The following SAMD8 variants were observed in gnomAD, a reference collection of about 807,000 sequenced individuals.
SAMD8 encodes the protein sterile alpha motif domain containing 8, also known as sphingomyelin synthase-related protein 1.
A neutral mutation model predicts 42.0 loss-of-function variants in SAMD8; 20 were observed. The observed-to-expected ratio is 0.48, with a 90% CI of 0.34 to 0.69. The LOEUF (loss-of-function observed/expected upper bound fraction) is 0.69. Ranked by LOEUF, SAMD8 falls within the 30% of genes least tolerant of loss-of-function variation. The pLI is 0.01. For synonymous variants in SAMD8, 162 were observed against 173.0 expected, an observed-to-expected ratio of 0.94 and a Z score of 0.50; for missense variants, 328 against 511.6, an observed-to-expected ratio of 0.64 and a Z score of 3.46.
At chr10:75,160,500 C>T (rs1449711007) in intron 2 of SAMD8, among the ~76,000 whole-genome samples, 1 of 152,034 alleles carries the variant, frequency 6.6e-6, no homozygotes, top group African/African-American at 2.4e-5. Flanking sequence ...GCCACCATGC[C>T]CAGCCAAGAA....
chr10:75,128,273 A>G (rs1036246713), intron 1 of SAMD8, among the ~76,000 whole-genome samples: 5 of 151,938 alleles, frequency 3.3e-5, no homozygotes, highest in Non-Finnish European at 7.4e-5. Context: ...GCATTTCACC[A>G]TGTTGGCTAG....
At chr10:75,141,654 G>T (rs1840019361) in intron 1 of SAMD8, among the ~76,000 whole-genome samples, 1 of 150,470 alleles carries the variant, frequency 6.6e-6, no homozygotes, top group Admixed American at 6.7e-5. Context: ...CCATTCTCCT[G>T]CCTCAGCCTC....
At chr10:75,122,717 G>T (rs1197051826) in intron 1 of SAMD8, among the ~76,000 whole-genome samples, 1 of 152,070 alleles carries the variant, frequency 6.6e-6, no homozygotes, top group African/African-American at 2.4e-5. Context: ...TTGAGCCGTG[G>T]AGTTTAGCCT....
At position 75,150,997 on chromosome 10, in the gene SAMD8, A is replaced by G. The variant is rs772142286; in HGVS notation, c.469A>G (p.Ile157Val). 4 of 1,609,784 alleles carry G rather than the reference A, an allele frequency of 2.5e-6. No homozygotes were observed. The highest frequency in any genetic ancestry group is 1.1e-5 in the South Asian group (1 of 90,016). Residue 157 changes from isoleucine to valine, a missense_variant, in exon 2 of 6, where the codon ATA becomes GTA. Coordinates refer to ENST00000542569, the MANE Select transcript of SAMD8 (RefSeq NM_001174156.2). ...ATACTGGAAGACTATACTGAGTTGT[A>G]TATATGTTTTTATAGTATTTGGATT... ...PEYWKTILSC[I>V]YVFIVFGFTS...
chr10:75,161,421 C>T lies in SAMD8; in HGVS notation c.579-3224C>T, dbSNP rs368054322. ...ACCAGATCTCTGCGCACCCTGAGTG[C>T]GCAGAGAAACCCAAAGCTTGACAGA... On this transcript the variant is annotated intron_variant, in intron 2 of 5. Transcript: ENST00000542569. Among the ~76,000 whole-genome samples, 13 of 152,102 alleles carry T rather than the reference C, an allele frequency of 8.5e-5. No individual in the cohort carries two copies. In the East Asian group the frequency reaches 1.9e-3, roughly 23 times the overall value.
chr10:75,134,796 C>T (rs1263865948), intron 1 of SAMD8, among the ~76,000 whole-genome samples: 3 of 152,072 alleles, frequency 2.0e-5, no homozygotes, highest in Non-Finnish European at 4.4e-5. Context: ...GTGGCTTATG[C>T]CTGTAATCTT....
At chr10:75,134,604 C>T (rs1404489851) in intron 1 of SAMD8, among the ~76,000 whole-genome samples, 3 of 151,828 alleles carry the variant, frequency 2.0e-5, no homozygotes, top group African/African-American at 7.3e-5. Flanking sequence ...CACTGCACTC[C>T]AGCTTGGGTG....
intron 1 of SAMD8, among the ~76,000 whole-genome samples, chr10:75,106,598 C>A (rs567585725): frequency 6.6e-6 from 1 of 152,330 alleles, no homozygotes; most frequent in Non-Finnish European, 1.5e-5. Context: ...ATCCTCTGGG[C>A]TTAGCACCCC....
At chr10:75,107,963 G>T, upstream of SAMD8, 1 of 1,589,798 alleles carries the variant, frequency 6.3e-7, no homozygotes, top group East Asian at 2.3e-5. Flanking sequence ...TGAGCAAGAT[G>T]GGATATGGGC....
chr10:75,139,231 C>G (rs544172309), intron 1 of SAMD8, among the ~76,000 whole-genome samples: 2 of 151,888 alleles, frequency 1.3e-5, no homozygotes, highest in African/African-American at 4.8e-5. Flanking sequence ...GGCCTTCCAA[C>G]GTACTGGGAT....
At chr10:75,162,378 C>G (rs936351260) in intron 2 of SAMD8, among the ~76,000 whole-genome samples, 2 of 151,088 alleles carry the variant, frequency 1.3e-5, no homozygotes, top group Admixed American at 6.6e-5. Flanking sequence ...AGGCTGGGCA[C>G]GTGGCTCACG....
intron 4 of SAMD8, among the ~76,000 whole-genome samples, chr10:75,175,441 A>T (rs1481151599): frequency 2.6e-5 from 4 of 152,092 alleles, no homozygotes; most frequent in Non-Finnish European, 5.9e-5. Context: ...AAAAACTTGG[A>T]GATGTTTTTG....
rs529206510 is a variant in SAMD8, at chr10:75,177,941, G to A, written c.*1249G>A. 8 of 152,198 alleles carry A rather than the reference G, an allele frequency of 5.3e-5. No individual in the cohort carries two copies. In the South Asian group the frequency reaches 1.2e-3, roughly 24 times the overall value. 9.4% of individuals were successfully genotyped at this position (152,198 alleles called of 1,614,324 possible). A position where few individuals can be genotyped will look rare whatever the true frequency, so the allele number is the denominator to read the frequency against. On this transcript the variant is annotated 3_prime_UTR_variant, in exon 6 of 6. Transcript: ENST00000542569. ...TAGTTATGACAGTAGGATGGTTATG[G>A]AATTGGAATTTAAACTCCCAACTAA...
chr10:75,127,702 C>T (rs1204143333), intron 1 of SAMD8, among the ~76,000 whole-genome samples: 1 of 152,150 alleles, frequency 6.6e-6, no homozygotes, highest in Non-Finnish European at 1.5e-5. Flanking sequence ...CTGTCTGCTT[C>T]CTACTATTTT....
intron 1 of SAMD8, among the ~76,000 whole-genome samples, chr10:75,142,615 T>G (rs551925453): frequency 6.6e-6 from 1 of 152,176 alleles, no homozygotes; most frequent in African/African-American, 2.4e-5. Flanking sequence ...TTTTGTATTT[T>G]TAGTAGAGAC....
intron 1 of SAMD8, among the ~76,000 whole-genome samples, chr10:75,100,842 G>A (rs1848116522): frequency 6.6e-6 from 1 of 152,236 alleles, no homozygotes; most frequent in African/African-American, 2.4e-5. Flanking sequence ...CCTCCCCCAG[G>A]AAGCTCATGT....
intron 4 of SAMD8, among the ~76,000 whole-genome samples, chr10:75,173,091 T>G (rs1297921242): frequency 6.6e-6 from 1 of 152,232 alleles, no homozygotes. Context: ...ATACCATCCT[T>G]CTATGGTATA....
rs1281003773 is a variant in SAMD8 at position 75,176,902 on chromosome 10, A to G, written c.*210A>G. 2.0e-6 allele frequency: 1 copy of G among 495,146 alleles called. No individual in the cohort carries two copies. Among genetic ancestry groups the G allele is most frequent in the East Asian group, 3.3e-5 (1 of 30,138 alleles). The allele number at this position is 495,146 out of a possible 1,614,324, so 30.7% of individuals were successfully genotyped here. On this transcript the variant is annotated 3_prime_UTR_variant, in exon 6 of 6. Coordinates refer to ENST00000542569, the MANE Select transcript of SAMD8 (RefSeq NM_001174156.2). This position sits in a 1 kb window ranked among gnomAD's most constrained non-coding sequence, Gnocchi z 4.3. ...CTATTTGAACAGAAAGCTTAAGTAGATGTTTTCTGCCCCTTCTCTTTAGGA... is the reference window on the plus strand; with the variant it reads ...CTATTTGAACAGAAAGCTTAAGTAGGTGTTTTCTGCCCCTTCTCTTTAGGA...
chr10:75,149,251 A>G (rs1459981167), intron 1 of SAMD8, among the ~76,000 whole-genome samples: 1 of 152,190 alleles, frequency 6.6e-6, no homozygotes, highest in Non-Finnish European at 1.5e-5. Context: ...GAGAAGGCCC[A>G]AGTAACTGAA....
Sources: allele counts gnomAD v4.1 joint callset (sites outside exome capture counted in the v4.1 genomes callset), GRCh38; gene constraint gnomAD v4.1.1; non-coding constraint Gnocchi (gnomAD v3.1); transcripts MANE v1.5; gene names NCBI Gene and HGNC (gene_info 2026-07-23, HGNC 2026-07-21).